The following GRIP1 variants were observed in gnomAD, a reference collection of about 807,000 sequenced individuals.
The protein encoded by GRIP1 is glutamate receptor-interacting protein 1.
A neutral mutation model predicts 129.9 loss-of-function variants in GRIP1; 45 were observed. The ratio of observed to expected loss-of-function variants is 0.35; its 90% CI spans 0.27 to 0.44. The LOEUF (loss-of-function observed/expected upper bound fraction) is 0.44. GRIP1 is among the 20% of genes least tolerant of loss of function. The pLI is 1.00. For synonymous variants in GRIP1, 530 were observed against 520.8 expected (o/e 1.02, Z -0.24); for missense variants, 1,196 against 1,396.8 (o/e 0.86, Z 2.29).
intron 1 of GRIP1, among the ~76,000 whole-genome samples, chr12:66,722,381 T>A (rs572111061): frequency 6.6e-6 from 1 of 152,152 alleles, no homozygotes; most frequent in Non-Finnish European, 1.5e-5. Context: ...AGGGAAACAA[T>A]TGGCCAGTGG....
intron 1 of GRIP1, among the ~76,000 whole-genome samples, chr12:66,769,218 A>C (rs2037739258): frequency 7.1e-6 from 1 of 140,406 alleles, no homozygotes; most frequent in South Asian, 2.4e-4. Flanking sequence ...TCTTTCTCCA[A>C]ATGGAAATTT....
intron 13 of GRIP1, among the ~76,000 whole-genome samples, chr12:66,438,348 A>T (rs1304541765): frequency 6.6e-6 from 1 of 152,224 alleles, no homozygotes; most frequent in East Asian, 1.9e-4. Flanking sequence ...CAAATGGAGC[A>T]GATATACAGA....
chr12:66,993,460 T>A lies in GRIP1; in HGVS notation c.58+75590A>T, dbSNP rs185557149. On this transcript the variant is annotated intron_variant, in intron 1 of 1. Transcript: ENST00000643019. ...CAAAATTTACGAACTTTAGGCTACA[T>A]TGACCAAGAAAAAAAAAAGACTCAA... Among the ~76,000 whole-genome samples, 154 of 151,904 alleles carry A rather than the reference T, an allele frequency of 1.0e-3. 2 individuals are homozygous for A. The East Asian group carries it at 0.025, about 25-fold the overall frequency.
At chr12:66,902,717 T>C (rs536479591) in intron 1 of GRIP1, among the ~76,000 whole-genome samples, 2 of 152,216 alleles carry the variant, frequency 1.3e-5, no homozygotes, top group East Asian at 3.8e-4. Flanking sequence ...TCTGGGAAAA[T>C]TCACTTAGAC....
chr12:66,450,967 C>T (rs915240989), intron 11 of GRIP1, among the ~76,000 whole-genome samples: 3 of 152,246 alleles, frequency 2.0e-5, no homozygotes, highest in Middle Eastern at 3.4e-3. Context: ...GGTGAATTGT[C>T]TCTCTAGTAG....
intron 1 of GRIP1, among the ~76,000 whole-genome samples, chr12:66,905,939 A>C (rs890408268): frequency 5.9e-5 from 9 of 152,206 alleles, no homozygotes; most frequent in African/African-American, 2.2e-4. Flanking sequence ...TTTTCTGCAC[A>C]AAATTTGAGA....
chr12:66,983,303 AC>A (rs1270788827), intron 1 of GRIP1, among the ~76,000 whole-genome samples: 1 of 152,192 alleles, frequency 6.6e-6, no homozygotes, highest in Non-Finnish European at 1.5e-5. Context: ...TAAATTAATA[AC>A]AAAAACTATA....
chr12:67,038,556 C>T (rs1172759608), intron 1 of GRIP1, among the ~76,000 whole-genome samples: 1 of 152,188 alleles, frequency 6.6e-6, no homozygotes, highest in Non-Finnish European at 1.5e-5. Context: ...TGTCTACTAA[C>T]TGCCTTTGAG....
chr12:66,528,186 G>A (rs1005459964), intron 5 of GRIP1, among the ~76,000 whole-genome samples: 2 of 135,956 alleles, frequency 1.5e-5, no homozygotes, highest in Non-Finnish European at 3.0e-5. Context: ...CCAGGCTGGA[G>A]TGCAGTGGCA....
intron 19 of GRIP1, 115 bp downstream of exon 19, chr12:66,392,193 C>A: frequency 2.8e-6 from 2 of 710,896 alleles, no homozygotes; most frequent in South Asian, 1.6e-5. Context: ...TATGGCTGCA[C>A]CAAAGCAGAC....
At chr12:66,939,122 A>T (rs1056290707) in intron 1 of GRIP1, among the ~76,000 whole-genome samples, 2 of 152,322 alleles carry the variant, frequency 1.3e-5, no homozygotes, top group Non-Finnish European at 1.5e-5. Flanking sequence ...TCTAAAGCTG[A>T]GAGCAGTTCC....
intron 2 of GRIP1, among the ~76,000 whole-genome samples, chr12:66,575,906 T>C (rs1287325141): frequency 6.6e-6 from 1 of 152,180 alleles, no homozygotes; most frequent in African/African-American, 2.4e-5. Flanking sequence ...GGCAAAATCA[T>C]ATTAAAAGAA....
intron 1 of GRIP1, among the ~76,000 whole-genome samples, chr12:67,007,485 C>A (rs540446960): frequency 4.6e-5 from 7 of 151,904 alleles, no homozygotes; most frequent in South Asian, 2.1e-4. Flanking sequence ...TCATCCCCCC[C>A]AAAAAACAAA....
intron 1 of GRIP1, among the ~76,000 whole-genome samples, chr12:66,982,897 T>C (rs2042259291): frequency 6.6e-6 from 1 of 152,192 alleles, no homozygotes; most frequent in Admixed American, 6.6e-5. Flanking sequence ...CAACTTCCTT[T>C]GAAGTTTGTA....
At chr12:66,955,494 T>G (rs1048312071) in intron 1 of GRIP1, among the ~76,000 whole-genome samples, 6 of 144,896 alleles carry the variant, frequency 4.1e-5, no homozygotes, top group African/African-American at 1.3e-4. Flanking sequence ...TAGTATATAT[T>G]ACTTTTTTGG....
intron 1 of GRIP1, among the ~76,000 whole-genome samples, chr12:66,868,924 C>A (rs1182824493): frequency 6.6e-6 from 1 of 152,032 alleles, no homozygotes; most frequent in Non-Finnish European, 1.5e-5. Context: ...CACAAGGAGT[C>A]TGGAGGATGT....
chr12:66,864,558 A>AT (rs1257362350), intron 1 of GRIP1, among the ~76,000 whole-genome samples: 14 of 51,214 alleles, frequency 2.7e-4, no homozygotes, highest in African/African-American at 7.2e-4. Context: ...TCTATTAAAA[A>AT]TAAAAAAAAA....
At position 66,539,302 on chromosome 12, in the gene GRIP1, T is replaced by G. The variant is rs1294236740; in HGVS notation, c.273-79A>C. ...TGACTATATTTCCACTTTCCCTTCA[T>G]GGTAAGCATGCAAGTGTAGAAGCAA... On this transcript the variant is annotated intron_variant, in intron 3 of 24. Transcript: ENST00000359742. The G allele has an allele frequency of 1.4e-5, 22 of 1,577,686 alleles. No homozygotes were observed. In the East Asian group the frequency reaches 4.9e-4, roughly 35 times the overall value.
intron 20 of GRIP1, among the ~76,000 whole-genome samples, chr12:66,378,119 A>G (rs1485856798): frequency 5.3e-5 from 8 of 151,804 alleles, no homozygotes; most frequent in Admixed American, 5.3e-4. Flanking sequence ...AAAAAAAAAA[A>G]GTAACTTAAT....
Sources: allele counts gnomAD v4.1 joint callset (sites outside exome capture counted in the v4.1 genomes callset), GRCh38; gene constraint gnomAD v4.1.1; transcripts MANE v1.5; gene names NCBI Gene and HGNC (gene_info 2026-07-23, HGNC 2026-07-21).